The following RNF152 variants were observed in gnomAD, a reference collection of about 807,000 sequenced individuals.
The protein encoded by RNF152 is E3 ubiquitin-protein ligase RNF152.
A neutral mutation model predicts 12.7 loss-of-function variants in RNF152; 11 were observed. The ratio of observed to expected loss-of-function variants is 0.86; its 90% CI spans 0.54 to 1.43. The LOEUF (loss-of-function observed/expected upper bound fraction) is 1.43. Among genes scored for constraint, RNF152 ranks in the 40% most tolerant of loss-of-function variants. The probability of loss-of-function intolerance (pLI) is 0.00; values close to 1 mark genes in which losing one functional copy is unlikely to be tolerated. For missense variants in RNF152, 255 were observed against 274.8 expected, an observed-to-expected ratio of 0.93 and a Z score of 0.51; for synonymous variants, 113 against 120.3, an observed-to-expected ratio of 0.94 and a Z score of 0.40.
At chr18:61,874,283 T>C (rs1379929704) in intron 1 of RNF152, among the ~76,000 whole-genome samples, 3 of 152,252 alleles carry the variant, frequency 2.0e-5, no homozygotes, top group Non-Finnish European at 4.4e-5. Context: ...AGGTAGTTAA[T>C]GTCTTTTGAA....
rs777722574 is a variant in RNF152 at position 61,816,255 on chromosome 18, G to A, written c.209C>T (p.Pro70Leu). Residue 70 changes from proline (P) to leucine (L), a missense_variant, in exon 2 of 2, where the codon CCG becomes CTG. Transcript: ENST00000312828. The stretch of plus-strand genomic sequence containing the variant: ...GACAGCCAGGACCTCCGGGTCGTCC[G>A]GGAGCTGCGACACGGAGAAGCCGGG... ...LPPGFSVSQL[P>L]DDPEVLAVIA... 21 of 1,614,202 alleles carry A rather than the reference G, an allele frequency of 1.3e-5. No individual in the cohort carries two copies. The highest frequency in any genetic ancestry group is 2.2e-5 in the East Asian group (1 of 44,878).
intron 1 of RNF152, among the ~76,000 whole-genome samples, chr18:61,892,432 C>A (rs895444848): frequency 1.3e-5 from 2 of 152,144 alleles, no homozygotes; most frequent in African/African-American, 2.4e-5. Context: ...ACAAAGGATA[C>A]CCCACCTCTA....
In RNF152 at chr18:61,810,006, T is replaced by C. The variant is rs968589951; in HGVS notation, c.*5846A>G. The C allele has an allele frequency of 1.3e-5, 2 of 152,044 alleles. No homozygotes were observed. Among genetic ancestry groups the C allele is most frequent in the Non-Finnish European group, 2.9e-5 (2 of 68,010 alleles). 9.4% of individuals were successfully genotyped at this position (152,044 alleles called of 1,614,324 possible). A position where few individuals can be genotyped will look rare whatever the true frequency, so the allele number is the denominator to read the frequency against. ...CAAAAAATAAGGTATTTGGAAGAAATTAAATGCCCCACCTGCTTAAGTTCT... is the reference window on the plus strand; with the variant it reads ...CAAAAAATAAGGTATTTGGAAGAAACTAAATGCCCCACCTGCTTAAGTTCT... On this transcript the variant is annotated 3_prime_UTR_variant, in exon 2 of 2. Transcript: ENST00000312828.
At chr18:61,871,875 C>T (rs1047196762) in intron 1 of RNF152, among the ~76,000 whole-genome samples, 3 of 152,168 alleles carry the variant, frequency 2.0e-5, no homozygotes, top group African/African-American at 7.2e-5. Context: ...ATCTTCATGG[C>T]AACAACTAAA....
chr18:61,873,120 T>G (rs1461307089), intron 1 of RNF152, among the ~76,000 whole-genome samples: 8 of 152,186 alleles, frequency 5.3e-5, no homozygotes, highest in Non-Finnish European at 2.9e-5. Context: ...AAGTTCACTG[T>G]GCTTTCTGTC....
At chr18:61,864,398 C>T (rs143866165) in intron 1 of RNF152, among the ~76,000 whole-genome samples, 9 of 152,296 alleles carry the variant, frequency 5.9e-5, no homozygotes, top group Non-Finnish European at 7.4e-5. Flanking sequence ...ATAACAGATA[C>T]AACTCAGATC....
In RNF152 at chr18:61,811,411, G is replaced by A. The variant is rs1395385177; in HGVS notation, c.*4441C>T. On this transcript the variant is annotated 3_prime_UTR_variant, in exon 2 of 2. Transcript: ENST00000312828. Reference sequence around the variant, plus strand: ...TTCAAGTCTTTAAATTTCATGGGCAGTATTTTTTACTGTTAAAAAAAGTGC... The same window carrying A: ...TTCAAGTCTTTAAATTTCATGGGCAATATTTTTTACTGTTAAAAAAAGTGC... 1.3e-5 allele frequency: 2 copies of A among 152,116 alleles called. No individual in the cohort carries two copies. The highest frequency in any genetic ancestry group is 4.8e-5 in the African/African-American group (2 of 41,412). 9.4% of individuals were successfully genotyped at this position (152,116 alleles called of 1,614,324 possible).
At chr18:61,847,584 T>G (rs771881729) in intron 1 of RNF152, among the ~76,000 whole-genome samples, 3 of 152,230 alleles carry the variant, frequency 2.0e-5, no homozygotes, top group Admixed American at 6.5e-5. Context: ...ACATTTATTT[T>G]TCTTAAAACA....
rs187295603 is a variant in RNF152 at position 61,865,772 on chromosome 18, G to A, written c.-136+27023C>T. Reference sequence around the variant, plus strand: ...CTTCCAAGGAAACTCACTTTAAGTTGAAGGCAAATATTCCCATGACAGCTG... The same window carrying A: ...CTTCCAAGGAAACTCACTTTAAGTTAAAGGCAAATATTCCCATGACAGCTG... On this transcript the variant is annotated intron_variant, in intron 1 of 1. Coordinates refer to ENST00000312828, the MANE Select transcript of RNF152 (RefSeq NM_173557.3). 4.6e-5 allele frequency among the ~76,000 whole-genome samples: 7 copies of A among 152,284 alleles called. No individual in the cohort carries two copies. The East Asian group carries it at 9.6e-4, about 21-fold the overall frequency.
chr18:61,865,643 G>C lies in RNF152; in HGVS notation c.-136+27152C>G, dbSNP rs79428250. Reference sequence around the variant, plus strand: ...AGCTTCCATCCCGTTGTGGAATTTAGTTTAGAGTCTCTGTTGCCACAGAGA... The same window carrying C: ...AGCTTCCATCCCGTTGTGGAATTTACTTTAGAGTCTCTGTTGCCACAGAGA... On this transcript the variant is annotated intron_variant, in intron 1 of 1. Transcript: ENST00000312828. Among the ~76,000 whole-genome samples, 1,400 of 152,198 alleles carry C rather than the reference G, an allele frequency of 9.2e-3. 20 individuals carry two copies. Among genetic ancestry groups the C allele is most frequent in the African/African-American group, 0.032 (1,335 of 41,512 alleles).
At chr18:61,827,843 A>G (rs140844137) in intron 1 of RNF152, among the ~76,000 whole-genome samples, 4 of 152,312 alleles carry the variant, frequency 2.6e-5, no homozygotes, top group African/African-American at 7.2e-5. Flanking sequence ...CAGTAACTCA[A>G]TGAGGGTTGA....
At chr18:61,834,543 C>T (rs903633747) in intron 1 of RNF152, among the ~76,000 whole-genome samples, 1 of 152,176 alleles carries the variant, frequency 6.6e-6, no homozygotes, top group African/African-American at 2.4e-5. Context: ...TCATCTGCCT[C>T]GGCTACAAAG....
chr18:61,825,886 C>T (rs918347298), intron 1 of RNF152, among the ~76,000 whole-genome samples: 4 of 152,148 alleles, frequency 2.6e-5, no homozygotes, highest in Non-Finnish European at 5.9e-5. Flanking sequence ...ACCACAAATT[C>T]CAGAACAAAT....
rs73456336 is a variant in RNF152 at position 61,820,666 on chromosome 18, A to G, written c.-135-4068T>C. 1.4e-3 allele frequency among the ~76,000 whole-genome samples: 220 copies of G among 152,336 alleles called. 2 individuals are homozygous for G. The highest frequency in any genetic ancestry group is 5.0e-3 in the African/African-American group (207 of 41,578). ...CTTTTCCTTAACAGGAAAACCCTCA[A>G]TTGCAAATGAGGCTGGGGACAAAAA... On this transcript the variant is annotated intron_variant, in intron 1 of 1. Transcript: ENST00000312828.
chr18:61,833,271 G>C (rs1910032343), intron 1 of RNF152, among the ~76,000 whole-genome samples: 1 of 152,174 alleles, frequency 6.6e-6, no homozygotes, highest in Non-Finnish European at 1.5e-5. Flanking sequence ...GGTTTATTGA[G>C]ACAGCCAGTC....
intron 1 of RNF152, among the ~76,000 whole-genome samples, chr18:61,820,506 G>A (rs575535276): frequency 1.3e-5 from 2 of 152,072 alleles, no homozygotes; most frequent in South Asian, 4.2e-4. Context: ...GTGAGACTAT[G>A]ATTGACTCTA....
intron 1 of RNF152, among the ~76,000 whole-genome samples, chr18:61,846,487 C>T (rs1910749094): frequency 6.6e-6 from 1 of 152,188 alleles, no homozygotes; most frequent in Non-Finnish European, 1.5e-5. Flanking sequence ...CTGACCTGGA[C>T]AATTCATTGT....
intron 1 of RNF152, among the ~76,000 whole-genome samples, chr18:61,842,201 A>T (rs1298919028): frequency 2.0e-5 from 3 of 152,192 alleles, no homozygotes; most frequent in African/African-American, 7.2e-5. Flanking sequence ...TTCCTACTGA[A>T]CAATTTGTCG....
intron 1 of RNF152, among the ~76,000 whole-genome samples, chr18:61,865,479 T>C (rs1346606790): frequency 6.6e-6 from 1 of 152,234 alleles, no homozygotes; most frequent in Non-Finnish European, 1.5e-5. Flanking sequence ...TGTTCCTATC[T>C]AAATTACTAA....
Sources: gnomAD v4.1 joint callset for allele counts (sites outside exome capture counted in the v4.1 genomes callset) on GRCh38, gnomAD v4.1.1 for gene constraint, MANE v1.5 for transcripts, NCBI Gene and HGNC (gene_info 2026-07-23, HGNC 2026-07-21) for gene names.